Variants in NIN observed in about 807,000 individuals in gnomAD.
NIN encodes the protein ninein.
A neutral mutation model predicts 257.6 loss-of-function variants in NIN; 137 were observed. The observed-to-expected ratio is 0.53, with a 90% CI of 0.46 to 0.61. The LOEUF (loss-of-function observed/expected upper bound fraction) is 0.61. Among genes scored for constraint, NIN ranks in the 20% least tolerant of loss-of-function variants. The pLI, the probability that NIN is intolerant of heterozygous loss-of-function variation, is 0.00. For synonymous variants in NIN, 918 were observed against 919.8 expected, an observed-to-expected ratio of 1.00 and a Z score of 0.04; for missense variants, 2,439 against 2,501.2, an observed-to-expected ratio of 0.98 and a Z score of 0.53.
chr14:50,763,873 G>A lies in NIN; in HGVS notation c.1727C>T (p.Pro576Leu), dbSNP rs1482167374. The change falls in exon 15 of 31, where the codon CCG becomes CTG. Residue 576 changes from proline to leucine, a missense_variant. Pro to Leu is a moderately conservative substitution (Grantham distance 98). Around this residue, in one of 3 missense-constraint regions of NIN, gnomAD observed 2,043 missense variants for 2,050.2 expected, o/e 1.00. Coordinates refer to ENST00000530997, the MANE Select transcript of NIN (RefSeq NM_020921.4). ...GCTGTTAGCCTCAACTTCTTCTGAC[G>A]GTGAGTTCTTCAACGGAAGCCTGAG... ...RVLRLPLKNSPSEEVEANSGG... is the reference protein window; with the variant it reads ...RVLRLPLKNSLSEEVEANSGG... 5.6e-6 allele frequency: 9 copies of A among 1,613,846 alleles called. No homozygotes were observed. The highest frequency in any genetic ancestry group is 1.1e-5 in the South Asian group (1 of 91,068).
intron 29 of NIN, among the ~76,000 whole-genome samples, chr14:50,727,918 A>G (rs918453871): frequency 2.6e-5 from 4 of 152,228 alleles, no homozygotes; most frequent in African/African-American, 9.6e-5. Flanking sequence ...ACATCACTCC[A>G]CACACAGAAA....
intron 20 of NIN, 60 bp from the exon 21 acceptor site, chr14:50,752,793 A>AC (rs940524181): frequency 1.1e-5 from 11 of 976,624 alleles, no homozygotes; most frequent in Admixed American, 5.3e-5. Flanking sequence ...AAAAAAAAAA[A>AC]AAAACAGATT....
rs563142131 is a variant in NIN at position 50,771,711 on chromosome 14, T to G, written c.982-243A>C. 2.6e-5 allele frequency among the ~76,000 whole-genome samples: 4 copies of G among 151,454 alleles called. No individual in the cohort carries two copies. The South Asian group carries it at 6.3e-4, about 24-fold the overall frequency. On this transcript the variant is annotated intron_variant, in intron 9 of 30. Transcript: ENST00000530997. ...AAAAAAAAAAATTATCTTGGCCAGGTGCAGTGGCTCACGCCCGTAATCCCA... is the reference window on the plus strand; with the variant it reads ...AAAAAAAAAAATTATCTTGGCCAGGGGCAGTGGCTCACGCCCGTAATCCCA...
chr14:50,720,412 A>G lies in NIN; in HGVS notation c.*3051T>C, dbSNP rs151014432. On this transcript the variant is annotated 3_prime_UTR_variant, in exon 31 of 31. Coordinates refer to ENST00000530997, the MANE Select transcript of NIN (RefSeq NM_020921.4). The stretch of plus-strand genomic sequence containing the variant: ...ACAAAATAAAAAATTCATTTCTCAC[A>G]TGTTAAAAAAGCAAAGTCTGCCATA... 85 of 212,306 alleles carry G rather than the reference A, an allele frequency of 4.0e-4. No homozygotes were observed. Among genetic ancestry groups the G allele is most frequent in the African/African-American group, 1.9e-3 (84 of 44,322 alleles). The allele number at this position is 212,306 out of a possible 1,614,324, so 13.2% of individuals were successfully genotyped here.
In NIN at chr14:50,722,449, C is replaced by T; in HGVS notation, c.*1014G>A. The stretch of plus-strand genomic sequence containing the variant: ...TACTAAAAACGTAGAAATAAAAATT[C>T]TAGTATGGCTGTAAATATATAAGAC... On this transcript the variant is annotated 3_prime_UTR_variant, in exon 31 of 31. Transcript: ENST00000530997. 4.7e-6 allele frequency: 1 copy of T among 211,178 alleles called. No individual in the cohort carries two copies. The highest frequency in any genetic ancestry group is 1.9e-4 in the South Asian group (1 of 5,320). The allele number at this position is 211,178 out of a possible 1,614,324, so 13.1% of individuals were successfully genotyped here. A position where few individuals can be genotyped will look rare whatever the true frequency, so the allele number is the denominator to read the frequency against.
chr14:50,772,010 CAA>C (rs11347875), intron 9 of NIN: 41 of 225,826 alleles, frequency 1.8e-4, no homozygotes, highest in South Asian at 4.2e-4. Flanking sequence ...CAACAAAAAA[CAA>C]AAAAAAAACA....
At chr14:50,762,641 C>T (rs997376126) in intron 15 of NIN, among the ~76,000 whole-genome samples, 13 of 152,150 alleles carry the variant, frequency 8.5e-5, no homozygotes, top group Admixed American at 3.9e-4. Context: ...CAACTGCCCA[C>T]GACGATGACT....
intron 28 of NIN, chr14:50,730,758 G>C (rs8003526): frequency 0.021 from 4,090 of 199,486 alleles, 175 homozygotes; most frequent in African/African-American, 0.091. Context: ...TAAATACTGA[G>C]GAAAAGTTTG....
intron 30 of NIN, 27 bp downstream of exon 30, chr14:50,725,926 T>G (rs752389123): frequency 1.4e-5 from 23 of 1,614,024 alleles, no homozygotes; most frequent in Non-Finnish European, 1.9e-5. Context: ...GTGAGGTGGG[T>G]GAACAGAGAT....
intron 5 of NIN, 47 bp downstream of exon 5, chr14:50,792,662 TGGG>T (rs1241002787): frequency 6.2e-7 from 1 of 1,605,996 alleles, no homozygotes; most frequent in Non-Finnish European, 8.5e-7. Flanking sequence ...TGCACTGACG[TGGG>T]GCTCCACACT....
intron 4 of NIN, among the ~76,000 whole-genome samples, chr14:50,803,366 C>A (rs1459076108): frequency 6.6e-6 from 1 of 151,916 alleles, no homozygotes; most frequent in Admixed American, 6.6e-5. Context: ...AAAACAAAAA[C>A]AAAAACACAG....
chr14:50,747,910 G>T, intron 22 of NIN, 82 bp downstream of exon 22: 1 of 907,078 alleles, frequency 1.1e-6, no homozygotes, highest in Non-Finnish European at 1.8e-6. Context: ...AAGGACAACT[G>T]GTGGTTAGAA....
intron 29 of NIN, among the ~76,000 whole-genome samples, chr14:50,726,844 T>A (rs1170613394): frequency 1.3e-5 from 2 of 152,194 alleles, no homozygotes; most frequent in East Asian, 1.9e-4. Context: ...TCAGATTTCA[T>A]AAAGGTATTA....
chr14:50,754,594 A>G lies in NIN; in HGVS notation c.4703T>C (p.Val1568Ala), dbSNP rs772401670. The G allele has an allele frequency of 3.1e-6, 5 of 1,610,650 alleles. No individual in the cohort carries two copies. The Admixed American group carries it at 6.7e-5, about 22-fold the overall frequency. Residue 1568 changes from valine to alanine, a missense_variant, in exon 20 of 31, where the codon GTT (valine) becomes GCT (alanine). Physicochemically the swap from Val to Ala is moderately conservative, Grantham distance 64. Around this residue, in one of 3 missense-constraint regions of NIN, gnomAD observed 2,043 missense variants for 2,050.2 expected, o/e 1.00. Transcript: ENST00000530997. ...CTTTAAATTTTCAACCATCTTCTGA[A>G]CTGCAGCATTTTCTTGTTTTACAGT... ...TETVKQENAAVQKMVENLKKQ... is the reference protein window; with the variant it reads ...TETVKQENAAAQKMVENLKKQ...
intron 29 of NIN, among the ~76,000 whole-genome samples, 193 bp downstream of exon 29, chr14:50,729,330 C>A (rs1027214722): frequency 6.6e-6 from 1 of 151,658 alleles, no homozygotes; most frequent in Non-Finnish European, 1.5e-5. Flanking sequence ...TATTCACACA[C>A]ATGATCGTAG....
At chr14:50,747,699 A>G (rs952187856) in intron 22 of NIN, among the ~76,000 whole-genome samples, 1 of 150,434 alleles carries the variant, frequency 6.6e-6, no homozygotes, top group African/African-American at 2.5e-5. Context: ...ACACCACTGC[A>G]CTCCAGCCTA....
In NIN at chr14:50,821,978, A is replaced by T. The variant is rs747633799; in HGVS notation, c.79T>A (p.Ser27Thr). 1.9e-6 allele frequency: 3 copies of T among 1,614,014 alleles called. No homozygotes were observed. Among genetic ancestry groups the T allele is most frequent in the Non-Finnish European group, 2.5e-6 (3 of 1,179,972 alleles). ...FDSFDTTGTG[S>T]LGQEELTDLC... ...TCGGTGAGTTCCTCCTGCCCCAGGG[A>T]CCCTGTGCCCGTCGTGTCAAAACTG... is the stretch of plus-strand genomic sequence containing the variant. Residue 27 changes from serine (S) to threonine (T), a missense_variant, in exon 3 of 31, where the codon TCC (serine) becomes ACC (threonine). Physicochemically the swap from Ser to Thr is moderately conservative, Grantham distance 58. Around this residue, in one of 3 missense-constraint regions of NIN, gnomAD observed 387 missense variants for 427.3 expected, o/e 0.91. Transcript: ENST00000530997.
chr14:50,822,605 G>A (rs912504855), intron 2 of NIN, among the ~76,000 whole-genome samples: 4 of 152,194 alleles, frequency 2.6e-5, no homozygotes, highest in Non-Finnish European at 1.5e-5. Flanking sequence ...AAGCTGATTC[G>A]TTCTACTTCA....
chr14:50,734,580 T>C (rs533226495), intron 28 of NIN, among the ~76,000 whole-genome samples: 1 of 152,340 alleles, frequency 6.6e-6, no homozygotes, highest in South Asian at 2.1e-4. Context: ...TACACATAAG[T>C]TTGTTATATC....
Sources: allele counts gnomAD v4.1 joint callset (sites outside exome capture counted in the v4.1 genomes callset), GRCh38; gene constraint gnomAD v4.1.1; regional missense constraint gnomAD v4.1.1; transcripts MANE v1.5; gene names NCBI Gene and HGNC (gene_info 2026-07-23, HGNC 2026-07-21).